The following TFEC variants were observed in gnomAD, a reference collection of about 807,000 sequenced individuals.
TFEC encodes the protein class E basic helix-loop-helix protein 34.
TFEC carries 31 observed loss-of-function variants against 41.6 expected under a neutral mutation model. The observed-to-expected ratio is 0.74, with a 90% CI of 0.56 to 1.01. TFEC has a LOEUF of 1.01. TFEC is among the 50% of genes least tolerant of loss of function. TFEC has a pLI of 0.00. For synonymous variants in TFEC, 143 were observed against 140.6 expected, an observed-to-expected ratio of 1.02 and a Z score of -0.12; for missense variants, 402 against 404.1, an observed-to-expected ratio of 0.99 and a Z score of 0.04.
chr7:116,154,282 C>T (rs1429428739), intron 1 of TFEC, among the ~76,000 whole-genome samples: 4 of 152,130 alleles, frequency 2.6e-5, no homozygotes, highest in Non-Finnish European at 5.9e-5. Context: ...GGCTCTGAAA[C>T]TCTGTCGATT....
chr7:116,084,324 A>AT (rs2131066992), intron 3 of TFEC, among the ~76,000 whole-genome samples: 1 of 151,996 alleles, frequency 6.6e-6, no homozygotes, highest in East Asian at 1.9e-4. Context: ...ATCTTTCCTA[A>AT]ACTCCTAATA....
At chr7:116,113,588 G>A (rs1216778272) in intron 1 of TFEC, among the ~76,000 whole-genome samples, 3 of 151,966 alleles carry the variant, frequency 2.0e-5, no homozygotes, top group African/African-American at 4.8e-5. Flanking sequence ...AGGAGTCAGT[G>A]ATATATCTTT....
At chr7:116,060,845 A>T (rs1450026655) in intron 3 of TFEC, among the ~76,000 whole-genome samples, 1 of 150,714 alleles carries the variant, frequency 6.6e-6, no homozygotes, top group Non-Finnish European at 1.5e-5. Context: ...CTTCACATAT[A>T]CCCACAAACC....
chr7:116,099,315 A>G (rs1450536868), intron 3 of TFEC, among the ~76,000 whole-genome samples: 1 of 152,170 alleles, frequency 6.6e-6, no homozygotes, highest in Non-Finnish European at 1.5e-5. Context: ...GCACCATGTT[A>G]AATAATTAGG....
At chr7:116,108,658 A>G (rs1797776030) in intron 3 of TFEC, among the ~76,000 whole-genome samples, 1 of 152,142 alleles carries the variant, frequency 6.6e-6, no homozygotes. Context: ...GCTACCTTGA[A>G]TAAGTCACCA....
At chr7:116,017,981 G>GTGCACACTGTTT (rs71137147) in intron 1 of TFEC, among the ~76,000 whole-genome samples, 1 of 151,598 alleles carries the variant, frequency 6.6e-6, no homozygotes, top group African/African-American at 2.4e-5. Context: ...ATCCAGTGTT[G>GTGCACACTGTTT]GGCAAATATT....
chr7:116,152,823 C>T (rs1010260670), intron 1 of TFEC, among the ~76,000 whole-genome samples: 3 of 152,092 alleles, frequency 2.0e-5, no homozygotes, highest in African/African-American at 7.2e-5. Flanking sequence ...ATTCCATAAG[C>T]TCACAATGGT....
chr7:116,111,305 G>C (rs1263279638), intron 2 of TFEC, among the ~76,000 whole-genome samples: 1 of 152,084 alleles, frequency 6.6e-6, no homozygotes, highest in African/African-American at 2.4e-5. Flanking sequence ...TCTGTTTTCT[G>C]TTCACCCACT....
At chr7:115,972,267 G>A (rs1456514624) in intron 3 of TFEC, among the ~76,000 whole-genome samples, 2 of 151,890 alleles carry the variant, frequency 1.3e-5, no homozygotes, top group Non-Finnish European at 2.9e-5. Flanking sequence ...TCCTTCATTT[G>A]AGCTGCAGAG....
Position 116,148,327 on chromosome 7 carries a change from T to C in TFEC, c.-69+11463A>G, listed in dbSNP as rs78917081. On this transcript the variant is annotated intron_variant, in intron 1 of 8. Coordinates refer to the TFEC transcript ENST00000484212. ...GATCACACTAACTGCTCTTTGAAAG[T>C]ATATAGTGCTATGGGTGGGGTGAAG... 4.6e-5 allele frequency among the ~76,000 whole-genome samples: 7 copies of C among 152,252 alleles called. No individual in the cohort carries two copies. The East Asian group carries it at 1.4e-3, about 29-fold the overall frequency.
intron 3 of TFEC, among the ~76,000 whole-genome samples, chr7:116,051,106 T>C (rs998371148): frequency 2.6e-5 from 4 of 152,006 alleles, no homozygotes; most frequent in African/African-American, 9.7e-5. Flanking sequence ...ATGAGAACAC[T>C]TGGATGCAGG....
At chr7:115,957,956 G>C (rs757430742) in intron 3 of TFEC, among the ~76,000 whole-genome samples, 30 of 151,784 alleles carry the variant, frequency 2.0e-4, no homozygotes, top group Non-Finnish European at 4.1e-4. Context: ...TACCTGAGGG[G>C]AAAAATTGGA....
intron 3 of TFEC, among the ~76,000 whole-genome samples, chr7:116,049,587 A>C (rs1004003391): frequency 6.6e-6 from 1 of 152,224 alleles, no homozygotes; most frequent in Non-Finnish European, 1.5e-5. Flanking sequence ...GAAAGTTAAC[A>C]AGGATATACA....
At chr7:116,065,596 G>A (rs1796676813) in intron 3 of TFEC, among the ~76,000 whole-genome samples, 4 of 152,068 alleles carry the variant, frequency 2.6e-5, no homozygotes, top group Admixed American at 2.6e-4. Flanking sequence ...ATAATCTAGA[G>A]ACTCAACTCA....
intron 1 of TFEC, among the ~76,000 whole-genome samples, chr7:116,019,065 A>G (rs889861815): frequency 6.6e-6 from 1 of 151,294 alleles, no homozygotes; most frequent in Non-Finnish European, 1.5e-5. Flanking sequence ...AAGAGTGAGG[A>G]AAAAAAAATA....
rs535655551 is a variant in TFEC at position 116,080,416 on chromosome 7, A to G, written c.198+30292T>C. Among the ~76,000 whole-genome samples, 48 of 152,282 alleles carry G rather than the reference A, an allele frequency of 3.2e-4. No individual in the cohort carries two copies. In the South Asian group the frequency reaches 3.7e-3, roughly 12 times the overall value. On this transcript the variant is annotated intron_variant, in intron 3 of 8. Transcript: ENST00000484212. ...GAGTGGGAGAAAATCTTTACAATGT[A>G]TGCACCAGAAAAAGGACTAATATCC...
At chr7:116,052,668 C>G (rs1213817902) in intron 3 of TFEC, among the ~76,000 whole-genome samples, 2 of 151,474 alleles carry the variant, frequency 1.3e-5, no homozygotes, top group East Asian at 2.0e-4. Context: ...ATCTCGTGAT[C>G]CACCCACCTT....
Position 115,974,427 on chromosome 7 carries a change from TATATATATATATATATATATATAA to T in TFEC, c.181-195_181-172del, listed in dbSNP as rs1351253426. On this transcript the variant is annotated intron_variant, in intron 2 of 7. Transcript: ENST00000265440. ...AATATTATATATATATATATATATA[TATATATATATATATATATATATAA>T]AAACACAGATTACTTTAGCATTGAA... Among the ~76,000 whole-genome samples the T allele has an allele frequency of 8.9e-4, 45 of 50,626 alleles. 1 individual carries two copies. In the South Asian group the frequency reaches 0.01, roughly 12 times the overall value. 33.2% of individuals were successfully genotyped at this position (50,626 alleles called of 152,430 possible).
intron 3 of TFEC, among the ~76,000 whole-genome samples, chr7:116,062,531 T>G (rs1399986157): frequency 7.1e-6 from 1 of 141,268 alleles, no homozygotes; most frequent in Non-Finnish European, 1.5e-5. Context: ...ATGCAATTAT[T>G]TCATTCCTTT....
Sources: gnomAD v4.1 joint callset for allele counts (sites outside exome capture counted in the v4.1 genomes callset) on GRCh38, gnomAD v4.1.1 for gene constraint, MANE v1.5 for transcripts, NCBI Gene and HGNC (gene_info 2026-07-23, HGNC 2026-07-21) for gene names.